Variants in SERHL2 observed in about 807,000 individuals in gnomAD.
SERHL2 encodes serine hydrolase-like protein 2.
Under a neutral mutation model 25.5 loss-of-function variants are expected in SERHL2, and 29 were observed. The ratio of observed to expected loss-of-function variants is 1.14; its 90% CI spans 0.85 to 1.55. SERHL2 has a LOEUF of 1.55. Among genes scored for constraint, SERHL2 ranks in the 40% most tolerant of loss-of-function variants. The pLI is 0.00. For missense variants in SERHL2, 240 were observed against 252.3 expected (o/e 0.95, Z 0.33); for synonymous variants, 95 against 103.5 (o/e 0.92, Z 0.50).
At chr22:42,559,972 C>T (rs1043247235) in intron 7 of SERHL2, among the ~76,000 whole-genome samples, 4 of 151,818 alleles carry the variant, frequency 2.6e-5, no homozygotes, top group African/African-American at 9.7e-5. Flanking sequence ...CCACCATGTC[C>T]AGCTAAGTTT....
chr22:42,567,797 C>T (rs1052321416), intron 9 of SERHL2, among the ~76,000 whole-genome samples: 8 of 151,630 alleles, frequency 5.3e-5, no homozygotes, highest in African/African-American at 1.9e-4. Flanking sequence ...ATGGCACTAT[C>T]TCAGCTCACG....
intron 11 of SERHL2, 170 bp downstream of exon 11, chr22:42,572,699 C>T (rs754716906): frequency 3.0e-6 from 3 of 984,818 alleles, no homozygotes; most frequent in African/African-American, 1.7e-5. Flanking sequence ...CCCTAGAGGC[C>T]TAGGGACACA....
At position 42,563,479 on chromosome 22, in the gene SERHL2, C is replaced by T. The variant is rs562556014; in HGVS notation, c.614-2825C>T. 7.2e-4 allele frequency: 305 copies of T among 426,532 alleles called. 6 individuals carry two copies. The highest frequency in any genetic ancestry group is 1.2e-3 in the Non-Finnish European group (257 of 211,514). The allele number at this position is 426,532 out of a possible 1,614,324, so 26.4% of individuals were successfully genotyped here. ...TCGACCTCCCAAAATGGTAGGATTACAGGTGTGAGTCACCATGCCCAGCCA... is the reference window on the plus strand; with the variant it reads ...TCGACCTCCCAAAATGGTAGGATTATAGGTGTGAGTCACCATGCCCAGCCA... On this transcript the variant is annotated intron_variant, in intron 8 of 11. Transcript: ENST00000327678.
At chr22:42,560,073 A>G (rs1470665659) in intron 7 of SERHL2, 113 bp from the exon 8 acceptor site, 3 of 769,856 alleles carry the variant, frequency 3.9e-6, no homozygotes, top group Non-Finnish European at 6.8e-6. Context: ...TGTCCTCCCA[A>G]AGTGCTGGGA....
chr22:42,572,636 C>A, intron 11 of SERHL2, 107 bp downstream of exon 11: 1 of 1,479,514 alleles, frequency 6.8e-7, no homozygotes, highest in Non-Finnish European at 9.0e-7. Context: ...TGCCCCCAGG[C>A]CCAACAAGTG....
At chr22:42,565,951 T>A (rs1923318507) in intron 8 of SERHL2, among the ~76,000 whole-genome samples, 2 of 152,052 alleles carry the variant, frequency 1.3e-5, no homozygotes, top group African/African-American at 4.8e-5. Context: ...ACACCATTGG[T>A]ACTTATTTGC....
At chr22:42,573,676 G>C in intron 11 of SERHL2, 2 of 515,802 alleles carry the variant, frequency 3.9e-6, no homozygotes, top group South Asian at 2.3e-5. Flanking sequence ...CCTCGGCCCC[G>C]CCCTGTCCCT....
intron 9 of SERHL2, among the ~76,000 whole-genome samples, chr22:42,567,387 G>A (rs2859034): frequency 0.14 from 21,765 of 151,648 alleles, 1,864 homozygotes; most frequent in African/African-American, 0.21. Context: ...TTTTTCGGCC[G>A]GGCGCGGTGG....
chr22:42,564,585 C>A (rs1923093047), intron 8 of SERHL2, among the ~76,000 whole-genome samples: 1 of 151,684 alleles, frequency 6.6e-6, no homozygotes, highest in African/African-American at 2.4e-5. Flanking sequence ...GTGCCCACCA[C>A]CATGCCTGGC....
intron 9 of SERHL2, among the ~76,000 whole-genome samples, chr22:42,566,574 G>T (rs904234298): frequency 1.4e-5 from 2 of 144,430 alleles, no homozygotes; most frequent in Admixed American, 6.9e-5. Flanking sequence ...AAAAACAAAA[G>T]AAATTATATA....
At chr22:42,562,284 A>G (rs978914474) in intron 8 of SERHL2, among the ~76,000 whole-genome samples, 4 of 151,826 alleles carry the variant, frequency 2.6e-5, no homozygotes, top group African/African-American at 9.7e-5. Flanking sequence ...CTGAACTGGG[A>G]TAACTTCCCT....
chr22:42,564,752 G>T (rs1205319650), intron 8 of SERHL2, among the ~76,000 whole-genome samples: 1 of 151,834 alleles, frequency 6.6e-6, no homozygotes, highest in Non-Finnish European at 1.5e-5. Flanking sequence ...GCATCTGACG[G>T]GACCGTCTCC....
intron 5 of SERHL2, 46 bp from the exon 6 acceptor site, chr22:42,556,468 T>C (rs1430244337): frequency 1.2e-6 from 2 of 1,613,090 alleles, no homozygotes; most frequent in African/African-American, 2.7e-5. Flanking sequence ...GGGAGTGTCC[T>C]TTCCTTCTTC....
At chr22:42,563,135 T>C (rs137029) in intron 8 of SERHL2, among the ~76,000 whole-genome samples, 26,256 of 151,742 alleles carry the variant, frequency 0.17, 3,005 homozygotes, top group African/African-American at 0.31. Flanking sequence ...GGAGGCTGCA[T>C]TGAACCTTGA....
At chr22:42,564,891 G>A (rs879701158) in intron 8 of SERHL2, among the ~76,000 whole-genome samples, 8 of 151,884 alleles carry the variant, frequency 5.3e-5, no homozygotes, top group Non-Finnish European at 8.8e-5. Flanking sequence ...TCTGCCTCCT[G>A]GGCTCAAAGA....
At chr22:42,554,371 G>A (rs984158528) in intron 1 of SERHL2, among the ~76,000 whole-genome samples, 19 of 152,134 alleles carry the variant, frequency 1.2e-4, no homozygotes, top group African/African-American at 4.1e-4. Flanking sequence ...GAGTCCCACC[G>A]CCTGCCCTAA....
In SERHL2 at chr22:42,571,066, C is replaced by T. The variant is rs1007967021; in HGVS notation, c.649-55C>T. 2.1e-4 allele frequency: 346 copies of T among 1,611,044 alleles called. 1 individual carries two copies. The highest frequency in any genetic ancestry group is 5.2e-4 in the Middle Eastern group (3 of 5,760). The stretch of plus-strand genomic sequence containing the variant: ...ACCCCAACAGAGATGGGTTTCGTGC[C>T]CACGAGAGTGCCTGTGCCTTGTGAC... On this transcript the variant is annotated intron_variant, in intron 9 of 11. Transcript: ENST00000327678.
intron 9 of SERHL2, 128 bp from the exon 10 acceptor site, chr22:42,570,993 G>A (rs1247346173): frequency 1.5e-6 from 2 of 1,369,724 alleles, no homozygotes; most frequent in East Asian, 5.0e-5. Context: ...GGGGTCCTGG[G>A]CTCAGACCCA....
intron 11 of SERHL2, chr22:42,573,243 CT>C (rs137052): frequency 0.27 from 34,105 of 127,892 alleles, 5,393 homozygotes; most frequent in East Asian, 0.64. Context: ...TCCTGTCTGG[CT>C]TTTTTTTTTT....
Sources: gnomAD v4.1 joint callset for allele counts (sites outside exome capture counted in the v4.1 genomes callset) on GRCh38, gnomAD v4.1.1 for gene constraint, MANE v1.5 for transcripts, NCBI Gene and HGNC (gene_info 2026-07-23, HGNC 2026-07-21) for gene names.